Variants in BBS4 observed in about 807,000 individuals in gnomAD.
BBS4 encodes the protein Bardet-Biedl syndrome 4.
Under a neutral mutation model 71.4 loss-of-function variants are expected in BBS4, and 58 were observed. That is an observed-to-expected ratio of 0.81 (90% CI 0.66 to 1.01). The LOEUF (loss-of-function observed/expected upper bound fraction) is 1.01, where lower values mean the gene tolerates loss of function less well. Among genes scored for constraint, BBS4 ranks in the 50% least tolerant of loss-of-function variants. The pLI, the probability that BBS4 is intolerant of heterozygous loss-of-function variation, is 0.00. For missense variants in BBS4, 660 were observed against 607.9 expected (o/e 1.09, Z -0.90); for synonymous variants, 228 against 216.8 (o/e 1.05, Z -0.46).
chr15:72,736,008 C>A, intron 14 of BBS4, 42 bp downstream of exon 14: 2 of 1,611,738 alleles, frequency 1.2e-6, no homozygotes, highest in African/African-American at 1.3e-5. Context: ...AGTAAGCTCT[C>A]AGGAGACTTT....
intron 2 of BBS4, 70 bp from the exon 3 acceptor site, chr15:72,709,630 A>G (rs2065329302): frequency 9.2e-7 from 1 of 1,085,928 alleles, no homozygotes; most frequent in South Asian, 1.2e-5. Context: ...GTTAGTTTAG[A>G]CATGAGGACA....
rs750469744 is a variant in BBS4, at chr15:72,692,585, T to TAATCCCAGCACTAATCCTC, written c.25-2592_25-2591insAATCCCAGCACTAATCCTC. On this transcript the variant is annotated intron_variant, in intron 1 of 15. Transcript: ENST00000268057. ...GCCTCAGCCTACCGAAGTGCTGGGA[T>TAATCCCAGCACTAATCCTC]TAGAGGTGTGAGCCACCACACCTGG... Among the ~76,000 whole-genome samples, 331 of 151,948 alleles carry TAATCCCAGCACTAATCCTC rather than the reference T, an allele frequency of 2.2e-3. 1 individual carries two copies. The highest frequency in any genetic ancestry group is 3.9e-3 in the Non-Finnish European group (264 of 67,942).
intron 6 of BBS4, among the ~76,000 whole-genome samples, chr15:72,722,196 A>C (rs960514008): frequency 6.6e-6 from 1 of 152,234 alleles, no homozygotes; most frequent in Non-Finnish European, 1.5e-5. Context: ...CATGGACCAT[A>C]GTTTTCCCAT....
At chr15:72,693,103 C>T (rs368394946) in intron 1 of BBS4, among the ~76,000 whole-genome samples, 21 of 152,280 alleles carry the variant, frequency 1.4e-4, no homozygotes, top group East Asian at 9.6e-4. Flanking sequence ...GTTGCTACTA[C>T]AGGGACCATC....
At chr15:72,687,050 T>C (rs1220180936) in intron 1 of BBS4, among the ~76,000 whole-genome samples, 2 of 151,750 alleles carry the variant, frequency 1.3e-5, no homozygotes, top group Non-Finnish European at 2.9e-5. Context: ...AGAGGGCCTT[T>C]TGTTTGTTTT....
intron 2 of BBS4, among the ~76,000 whole-genome samples, chr15:72,696,762 AT>A (rs1038914774): frequency 6.7e-6 from 1 of 149,854 alleles, no homozygotes; most frequent in Non-Finnish European, 1.5e-5. Context: ...ATTTTTATGT[AT>A]TTTTTTTGTA....
At chr15:72,688,982 C>G (rs1436942091) in intron 1 of BBS4, among the ~76,000 whole-genome samples, 1 of 152,014 alleles carries the variant, frequency 6.6e-6, no homozygotes, top group Non-Finnish European at 1.5e-5. Context: ...AAGCTGTTCT[C>G]CTTTCTTTCT....
intron 15 of BBS4, 85 bp from the exon 16 acceptor site, chr15:72,737,393 T>G (rs967082925): frequency 4.2e-6 from 5 of 1,190,626 alleles, no homozygotes; most frequent in African/African-American, 1.5e-5. Flanking sequence ...AATATGGGGT[T>G]TCCTCTTGAA....
At chr15:72,693,033 C>T (rs995229750) in intron 1 of BBS4, among the ~76,000 whole-genome samples, 2 of 152,166 alleles carry the variant, frequency 1.3e-5, no homozygotes, top group Admixed American at 6.6e-5. Flanking sequence ...ACTTTGCCTT[C>T]CTTTAATGAG....
intron 6 of BBS4, among the ~76,000 whole-genome samples, chr15:72,721,457 G>A (rs1044896209): frequency 2.6e-5 from 4 of 151,542 alleles, no homozygotes; most frequent in African/African-American, 9.7e-5. Context: ...TTCTCCCTAG[G>A]ATGTAGAACT....
intron 2 of BBS4, among the ~76,000 whole-genome samples, chr15:72,697,089 T>C (rs2065090143): frequency 1.3e-5 from 2 of 152,118 alleles, no homozygotes; most frequent in South Asian, 4.1e-4. Flanking sequence ...TGAACCACCA[T>C]GCCTGGCTAA....
At chr15:72,714,938 G>A (rs761585766) in intron 4 of BBS4, among the ~76,000 whole-genome samples, 6 of 152,224 alleles carry the variant, frequency 3.9e-5, no homozygotes, top group Non-Finnish European at 4.4e-5. Context: ...TCAGTTGGAA[G>A]TAAATTATGA....
At chr15:72,693,443 T>C (rs1282479916) in intron 1 of BBS4, among the ~76,000 whole-genome samples, 1 of 152,210 alleles carries the variant, frequency 6.6e-6, no homozygotes, top group Non-Finnish European at 1.5e-5. Context: ...GATCAGGTGT[T>C]AGCAAACCTT....
chr15:72,716,939 A>C, intron 6 of BBS4, 89 bp downstream of exon 6: 3 of 937,490 alleles, frequency 3.2e-6, no homozygotes, highest in Non-Finnish European at 5.1e-6. Flanking sequence ...GAATTCTTAC[A>C]TTCCAAAAAT....
At chr15:72,704,405 C>A in intron 2 of BBS4, 1 of 1,276,734 alleles carries the variant, frequency 7.8e-7, no homozygotes, top group Non-Finnish European at 1.0e-6. Context: ...CATATAAGAA[C>A]CAGTATCTCC....
rs774037366 is a variant in BBS4 at position 72,735,876 on chromosome 15, CGAG to C, written c.1159_1161del (p.Glu387del). 4 of 1,613,982 alleles carry C rather than the reference CGAG, an allele frequency of 2.5e-6. No homozygotes were observed. Among genetic ancestry groups the C allele is most frequent in the East Asian group, 2.2e-5 (1 of 44,876 alleles). On this transcript the variant is annotated inframe_deletion, in exon 14 of 16. Coordinates refer to ENST00000268057, the MANE Select transcript of BBS4 (RefSeq NM_033028.5). ...ATGCTGTGCTGCTGTACAACCAGGG[CGAG>C]AAGAAGAACGCCCTGGCCCAATATC...
chr15:72,687,112 T>C (rs1472118767), intron 1 of BBS4, among the ~76,000 whole-genome samples: 1 of 151,102 alleles, frequency 6.6e-6, no homozygotes, highest in Non-Finnish European at 1.5e-5. Flanking sequence ...TAGAAAACTC[T>C]GAAGACAGAA....
chr15:72,728,459 C>T (rs1265581694), intron 9 of BBS4, among the ~76,000 whole-genome samples: 2 of 151,878 alleles, frequency 1.3e-5, no homozygotes, highest in Non-Finnish European at 2.9e-5. Context: ...GATTGAGTCA[C>T]TGCACTCCAT....
chr15:72,737,095 A>G (rs1268947078), intron 15 of BBS4, 132 bp downstream of exon 15: 3 of 1,143,254 alleles, frequency 2.6e-6, no homozygotes, highest in South Asian at 1.3e-5. Flanking sequence ...CAAGGGGAGA[A>G]AAAAAACACA....
Sources: gnomAD v4.1 joint callset for allele counts (sites outside exome capture counted in the v4.1 genomes callset) on GRCh38, gnomAD v4.1.1 for gene constraint, MANE v1.5 for transcripts, NCBI Gene and HGNC (gene_info 2026-07-23, HGNC 2026-07-21) for gene names.